Variants in PRKCB observed in about 807,000 individuals in gnomAD.
PRKCB encodes protein kinase C beta.
PRKCB carries 13 observed loss-of-function variants against 81.5 expected under a neutral mutation model. The observed-to-expected ratio is 0.16, with a 90% CI of 0.10 to 0.25. PRKCB has a LOEUF of 0.25. PRKCB is among the 10% of genes least tolerant of loss of function. The pLI, the probability that PRKCB is intolerant of heterozygous loss-of-function variation, is 1.00. For missense variants in PRKCB, 509 were observed against 875.7 expected, an observed-to-expected ratio of 0.58 and a Z score of 5.29; for synonymous variants, 335 against 321.4, an observed-to-expected ratio of 1.04 and a Z score of -0.45.
chr16:23,964,745 T>C (rs972954744), intron 2 of PRKCB, among the ~76,000 whole-genome samples: 22 of 150,914 alleles, frequency 1.5e-4, no homozygotes, highest in Non-Finnish European at 2.7e-4. Context: ...CTCAGCTCAC[T>C]GCAGCCTCTG....
rs761763038 is a variant in PRKCB at position 24,180,879 on chromosome 16, G to C, written c.1484G>C (p.Gly495Ala). The C allele has an allele frequency of 6.2e-7, 1 of 1,614,150 alleles. No homozygotes were observed. Among genetic ancestry groups the C allele is most frequent in the Admixed American group, 1.7e-5 (1 of 60,008 alleles). ...ATGTGTAAGGAAAACATCTGGGATG[G>C]GGTGACAACCAAGACATTCTGTGGC... is the stretch of plus-strand genomic sequence containing the variant. ...FGMCKENIWD[G>A]VTTKTFCGTP... The change falls in exon 13 of 17, where the codon GGG (glycine) becomes GCG (alanine). Residue 495 changes from glycine to alanine, a missense_variant. Coordinates refer to ENST00000643927, the MANE Select transcript of PRKCB (RefSeq NM_002738.7).
intron 3 of PRKCB, among the ~76,000 whole-genome samples, chr16:24,022,864 C>G (rs1333462103): frequency 1.3e-5 from 2 of 152,150 alleles, no homozygotes; most frequent in Non-Finnish European, 2.9e-5. Flanking sequence ...TAAGAAGCAC[C>G]TTGTTGGCCA....
chr16:24,191,928 A>G (rs942929199), intron 16 of PRKCB, among the ~76,000 whole-genome samples: 2 of 152,222 alleles, frequency 1.3e-5, no homozygotes, highest in African/African-American at 4.8e-5. Flanking sequence ...CGGCATCAGG[A>G]AAGAAGAGTT....
intron 2 of PRKCB, among the ~76,000 whole-genome samples, chr16:23,984,645 A>G (rs1239653119): frequency 2.0e-5 from 3 of 152,242 alleles, no homozygotes. Flanking sequence ...ACAATGCAAT[A>G]TGAAGAAAGA....
intron 16 of PRKCB, among the ~76,000 whole-genome samples, chr16:24,201,288 T>C (rs1967953119): frequency 6.6e-6 from 1 of 152,174 alleles, no homozygotes; most frequent in South Asian, 2.1e-4. Context: ...CAAAAAATAA[T>C]GATAGTTAGT....
At chr16:24,107,914 G>A (rs1302968762) in intron 7 of PRKCB, among the ~76,000 whole-genome samples, 1 of 152,138 alleles carries the variant, frequency 6.6e-6, no homozygotes, top group African/African-American at 2.4e-5. Context: ...TCACAGTCAG[G>A]GCATAAATAA....
chr16:24,112,547 C>T (rs1054794640), intron 7 of PRKCB, among the ~76,000 whole-genome samples: 1 of 151,912 alleles, frequency 6.6e-6, no homozygotes, highest in Non-Finnish European at 1.5e-5. Context: ...CTAAAAGCAA[C>T]AACAACAATA....
At chr16:23,933,908 C>CATCT (rs1964018727) in intron 2 of PRKCB, among the ~76,000 whole-genome samples, 1 of 132,710 alleles carries the variant, frequency 7.5e-6, no homozygotes, top group Non-Finnish European at 1.6e-5. Flanking sequence ...TCTACCCATC[C>CATCT]ATCCATCCAT....
chr16:23,941,083 A>G lies in PRKCB; in HGVS notation c.206-47425A>G, dbSNP rs368456436. 1.1e-4 allele frequency among the ~76,000 whole-genome samples: 16 copies of G among 152,314 alleles called. No homozygotes were observed. In the East Asian group the frequency reaches 2.9e-3, roughly 28 times the overall value. The stretch of plus-strand genomic sequence containing the variant: ...GACTGCCTAGATTAGGGGTTGGCAA[A>G]TGTTTTCTTACAGGACTAGATAGTA... On this transcript the variant is annotated intron_variant, in intron 2 of 16. Coordinates refer to ENST00000643927, the MANE Select transcript of PRKCB (RefSeq NM_002738.7).
At chr16:23,975,968 T>C (rs956586484) in intron 2 of PRKCB, among the ~76,000 whole-genome samples, 2 of 152,178 alleles carry the variant, frequency 1.3e-5, no homozygotes, top group Admixed American at 6.5e-5. Flanking sequence ...TCCAGCATGG[T>C]CATGGGGCAT....
intron 7 of PRKCB, among the ~76,000 whole-genome samples, chr16:24,104,346 GCATT>G (rs1162787292): frequency 2.0e-5 from 3 of 152,004 alleles, no homozygotes; most frequent in African/African-American, 4.8e-5. Context: ...TTTGTTGCTG[GCATT>G]CATTCATTCA....
chr16:24,037,308 T>A (rs111514539), intron 5 of PRKCB, among the ~76,000 whole-genome samples: 2,125 of 152,232 alleles, frequency 0.014, 28 homozygotes, highest in Non-Finnish European at 0.019. Flanking sequence ...TCTTGTTTTA[T>A]GAACAAAGAA....
At chr16:24,172,059 A>G (rs1417451245) in intron 10 of PRKCB, 2 of 478,792 alleles carry the variant, frequency 4.2e-6, no homozygotes, top group Non-Finnish European at 7.6e-6. Context: ...GTAATTATTA[A>G]TGAAAAAAAT....
intron 5 of PRKCB, among the ~76,000 whole-genome samples, chr16:24,037,675 G>A (rs1012439524): frequency 2.6e-5 from 4 of 152,014 alleles, no homozygotes; most frequent in African/African-American, 7.2e-5. Flanking sequence ...GTTCTGATGT[G>A]GTACAGTACA....
intron 5 of PRKCB, among the ~76,000 whole-genome samples, chr16:24,089,700 G>A (rs989110431): frequency 1.5e-4 from 23 of 152,166 alleles, no homozygotes; most frequent in Admixed American, 6.5e-4. Flanking sequence ...ACTTGAGCCC[G>A]GGAGGTCGAG....
chr16:24,071,616 T>C (rs1174432880), intron 5 of PRKCB, among the ~76,000 whole-genome samples: 2 of 151,052 alleles, frequency 1.3e-5, no homozygotes, highest in Non-Finnish European at 2.9e-5. Context: ...GGTCCTAGGG[T>C]AGTAAAGAGA....
chr16:24,059,729 C>A, intron 5 of PRKCB, among the ~76,000 whole-genome samples: 1 of 151,856 alleles, frequency 6.6e-6, no homozygotes, highest in East Asian at 1.9e-4. Flanking sequence ...GGGAACCAGC[C>A]GAGTAAATGG....
chr16:24,006,251 C>T (rs372806790), intron 3 of PRKCB, among the ~76,000 whole-genome samples: 14 of 152,180 alleles, frequency 9.2e-5, no homozygotes, highest in East Asian at 1.9e-4. Context: ...TGGAGATACT[C>T]GAGGATTGGC....
At chr16:23,965,087 A>G (rs1232460236) in intron 2 of PRKCB, among the ~76,000 whole-genome samples, 1 of 152,134 alleles carries the variant, frequency 6.6e-6, no homozygotes, top group East Asian at 1.9e-4. Context: ...AGTTTGGTGT[A>G]CTAATGATTT....
Sources: gnomAD v4.1 joint callset for allele counts (sites outside exome capture counted in the v4.1 genomes callset) on GRCh38, gnomAD v4.1.1 for gene constraint, MANE v1.5 for transcripts, NCBI Gene and HGNC (gene_info 2026-07-23, HGNC 2026-07-21) for gene names.